The following SLC4A10 variants were observed in gnomAD, a reference collection of about 807,000 sequenced individuals.
SLC4A10 encodes solute carrier family 4 member 10, also known as sodium-driven chloride bicarbonate exchanger.
A neutral mutation model predicts 137.7 loss-of-function variants in SLC4A10; 42 were observed. That is an observed-to-expected ratio of 0.30 (90% CI 0.24 to 0.39). SLC4A10 has a LOEUF of 0.39. SLC4A10 is among the 10% of genes least tolerant of loss of function. The probability of loss-of-function intolerance (pLI) is 1.00; values close to 1 mark genes in which losing one functional copy is unlikely to be tolerated. For missense variants in SLC4A10, 925 were observed against 1,355.0 expected, an observed-to-expected ratio of 0.68 and a Z score of 4.98; for synonymous variants, 474 against 464.1, an observed-to-expected ratio of 1.02 and a Z score of -0.27.
Position 161,764,020 on chromosome 2 carries a change from A to T in SLC4A10, c.49-6953A>T, listed in dbSNP as rs139898162. ...CCACTTCTAGGAATCTATCTCAAAA[A>T]ATAAACTGGCAAAAATATAAAGTGA... is the stretch of plus-strand genomic sequence containing the variant. On this transcript the variant is annotated intron_variant, in intron 1 of 26. Transcript: ENST00000446997. Among the ~76,000 whole-genome samples, 233 of 152,244 alleles carry T rather than the reference A, an allele frequency of 1.5e-3. 2 individuals carry two copies. The East Asian group carries it at 0.036, about 24-fold the overall frequency.
chr2:161,982,291 A>G (rs1422098487), intron 26 of SLC4A10, among the ~76,000 whole-genome samples: 2 of 152,276 alleles, frequency 1.3e-5, no homozygotes, highest in Admixed American at 1.3e-4. Context: ...TGCAAGTATC[A>G]GGGAGAAAGC....
At chr2:161,955,711 A>T (rs1695536931) in intron 19 of SLC4A10, among the ~76,000 whole-genome samples, 1 of 152,228 alleles carries the variant, frequency 6.6e-6, no homozygotes, top group South Asian at 2.1e-4. Context: ...ACCATGACAA[A>T]TATGCAACAA....
chr2:161,964,969 T>C, intron 22 of SLC4A10, 82 bp from the exon 23 acceptor site: 2 of 1,319,166 alleles, frequency 1.5e-6, no homozygotes, highest in South Asian at 1.4e-5. Context: ...AGAAATTGTT[T>C]CTACCAAAAA....
At chr2:161,707,808 G>A (rs1057376169) in intron 1 of SLC4A10, among the ~76,000 whole-genome samples, 8 of 151,302 alleles carry the variant, frequency 5.3e-5, no homozygotes, top group Non-Finnish European at 1.0e-4. Flanking sequence ...AATGTATGTT[G>A]GTATGAAGAA....
intron 3 of SLC4A10, among the ~76,000 whole-genome samples, chr2:161,834,308 A>G (rs1200396892): frequency 6.6e-6 from 1 of 152,172 alleles, no homozygotes; most frequent in Non-Finnish European, 1.5e-5. Context: ...GAGTCTCTGT[A>G]AATTTTATAA....
intron 4 of SLC4A10, among the ~76,000 whole-genome samples, chr2:161,845,199 GAT>G (rs980066517): frequency 2.6e-5 from 4 of 152,096 alleles, no homozygotes; most frequent in Non-Finnish European, 4.4e-5. Context: ...GATGAAATGG[GAT>G]TTAAAAGAAC....
chr2:161,863,545 C>T (rs534599130), intron 6 of SLC4A10, among the ~76,000 whole-genome samples: 1 of 152,158 alleles, frequency 6.6e-6, no homozygotes, highest in Non-Finnish European at 1.5e-5. Flanking sequence ...AAAAGACCAG[C>T]CAGTGCATTG....
At chr2:161,928,044 ATCAT>A (rs1224696169) in intron 15 of SLC4A10, among the ~76,000 whole-genome samples, 2 of 150,590 alleles carry the variant, frequency 1.3e-5, no homozygotes, top group African/African-American at 4.9e-5. Flanking sequence ...AGGACTATAA[ATCAT>A]GCTGCTATAA....
At chr2:161,850,224 T>C (rs537768575) in intron 4 of SLC4A10, among the ~76,000 whole-genome samples, 1 of 151,986 alleles carries the variant, frequency 6.6e-6, no homozygotes, top group Non-Finnish European at 1.5e-5. Flanking sequence ...ACCCTGTCTC[T>C]ACTAAAAATA....
chr2:161,718,991 G>A (rs1042264487), intron 1 of SLC4A10, among the ~76,000 whole-genome samples: 1 of 152,062 alleles, frequency 6.6e-6, no homozygotes, highest in African/African-American at 2.4e-5. Flanking sequence ...CCATGCTGGT[G>A]TGCTGCACCC....
intron 3 of SLC4A10, among the ~76,000 whole-genome samples, chr2:161,831,829 T>TTCAAAGA (rs554932379): frequency 2.0e-3 from 305 of 152,266 alleles, no homozygotes; most frequent in African/African-American, 7.0e-3. Context: ...AAGCTTTTAA[T>TTCAAAGA]TCAAAGATTT....
At chr2:161,662,764 C>T (rs75833670) in intron 1 of SLC4A10, among the ~76,000 whole-genome samples, 1,662 of 152,138 alleles carry the variant, frequency 0.011, 11 homozygotes, top group Non-Finnish European at 0.017. Flanking sequence ...TTTGTTTTAC[C>T]CAGGAACTAA....
intron 2 of SLC4A10, among the ~76,000 whole-genome samples, chr2:161,776,818 G>A (rs555801220): frequency 1.3e-5 from 2 of 151,336 alleles, no homozygotes; most frequent in Non-Finnish European, 3.0e-5. Context: ...ACAAAAATGC[G>A]CAAGGGGTCT....
chr2:161,830,356 A>T (rs1297016854), intron 3 of SLC4A10, among the ~76,000 whole-genome samples: 3 of 152,006 alleles, frequency 2.0e-5, no homozygotes, highest in Non-Finnish European at 4.4e-5. Flanking sequence ...CATTTTTACA[A>T]TTTTTCCATC....
At chr2:161,858,598 G>T (rs956396429) in intron 5 of SLC4A10, among the ~76,000 whole-genome samples, 1 of 152,088 alleles carries the variant, frequency 6.6e-6, no homozygotes, top group South Asian at 2.1e-4. Flanking sequence ...GAGATTAATT[G>T]TATTGAATAT....
At chr2:161,645,164 A>C (rs1419313251) in intron 1 of SLC4A10, among the ~76,000 whole-genome samples, 1 of 152,138 alleles carries the variant, frequency 6.6e-6, no homozygotes, top group African/African-American at 2.4e-5. Flanking sequence ...GTGTCAGGCC[A>C]GGTGTGAACA....
At chr2:161,710,992 TAGA>T (rs2044233396) in intron 1 of SLC4A10, among the ~76,000 whole-genome samples, 1 of 151,884 alleles carries the variant, frequency 6.6e-6, no homozygotes, top group African/African-American at 2.4e-5. Context: ...TGATGAATCC[TAGA>T]AGGAGTTACA....
chr2:161,694,163 T>C (rs928499191), intron 1 of SLC4A10, among the ~76,000 whole-genome samples: 13 of 152,066 alleles, frequency 8.5e-5, no homozygotes, highest in Admixed American at 6.6e-4. Context: ...TATGACCTGA[T>C]ATCATAGTTG....
intron 1 of SLC4A10, among the ~76,000 whole-genome samples, chr2:161,689,452 C>G (rs1035996327): frequency 6.6e-6 from 1 of 152,150 alleles, no homozygotes; most frequent in Non-Finnish European, 1.5e-5. Context: ...ATACACTATT[C>G]AGTACAGTAA....
Sources: allele counts gnomAD v4.1 joint callset (sites outside exome capture counted in the v4.1 genomes callset), GRCh38; gene constraint gnomAD v4.1.1; transcripts MANE v1.5; gene names NCBI Gene and HGNC (gene_info 2026-07-23, HGNC 2026-07-21).